The following NRIP1 variants were observed in gnomAD, a reference collection of about 807,000 sequenced individuals.
NRIP1 encodes nuclear receptor-interacting protein 1.
Under a neutral mutation model 75.0 loss-of-function variants are expected in NRIP1, and 28 were observed. The ratio of observed to expected loss-of-function variants is 0.37; its 90% CI spans 0.28 to 0.51. The LOEUF (loss-of-function observed/expected upper bound fraction) is 0.51, where lower values mean the gene tolerates loss of function less well. NRIP1 is among the 20% of genes least tolerant of loss of function. The probability of loss-of-function intolerance (pLI) is 0.92; values close to 1 mark genes in which losing one functional copy is unlikely to be tolerated. For synonymous variants in NRIP1, 526 were observed against 487.6 expected (o/e 1.08, Z -1.04); for missense variants, 1,435 against 1,343.7 (o/e 1.07, Z -1.06).
At chr21:15,027,711 A>T (rs1388030376) in intron 2 of NRIP1, among the ~76,000 whole-genome samples, 1 of 152,200 alleles carries the variant, frequency 6.6e-6, no homozygotes, top group African/African-American at 2.4e-5. Context: ...ATTACTTAAC[A>T]TGAGAAATAG....
chr21:15,022,685 A>G (rs2088407701), intron 2 of NRIP1, among the ~76,000 whole-genome samples: 1 of 152,234 alleles, frequency 6.6e-6, no homozygotes, highest in Admixed American at 6.5e-5. Flanking sequence ...TAAGATGACT[A>G]TCCACCTTCT....
intron 3 of NRIP1, 87 bp downstream of exon 3, chr21:15,014,257 C>T (rs1413915423): frequency 7.7e-6 from 3 of 390,970 alleles, no homozygotes; most frequent in East Asian, 3.6e-5. Context: ...GAATTATAAG[C>T]TAATTTATAA....
intron 2 of NRIP1, among the ~76,000 whole-genome samples, chr21:15,019,741 A>G (rs976871135): frequency 3.3e-5 from 5 of 151,728 alleles, no homozygotes; most frequent in Non-Finnish European, 7.4e-5. Context: ...ACCCACCTAG[A>G]CCTTCCAAAG....
rs2146919424 is a variant in NRIP1 at position 14,965,342 on chromosome 21, G to C, written c.2851C>G (p.Pro951Ala). The stretch of plus-strand genomic sequence containing the variant: ...TCAGCCACAGAGTTACTTCTGTGCG[G>C]GGACAAATCTCGCACACAGTTTTCT... ...LSENCVRDLS[P>A]HRSNSVADSK... The change falls in exon 4 of 4, where the codon CCG becomes GCG. Residue 951 changes from proline (P) to alanine (A), a missense_variant. Coordinates refer to ENST00000318948, the MANE Select transcript of NRIP1 (RefSeq NM_003489.4). The C allele has an allele frequency of 6.2e-7, 1 of 1,613,980 alleles. No individual in the cohort carries two copies. The highest frequency in any genetic ancestry group is 2.2e-5 in the East Asian group (1 of 44,878).
chr21:15,059,085 G>A (rs2142217), intron 1 of NRIP1, among the ~76,000 whole-genome samples: 3,150 of 152,216 alleles, frequency 0.021, 129 homozygotes, highest in African/African-American at 0.073. Context: ...GAAGTCCAAG[G>A]GTGAGAGGCT....
intron 3 of NRIP1, among the ~76,000 whole-genome samples, chr21:14,993,697 A>G (rs2087635402): frequency 6.6e-6 from 1 of 152,026 alleles, no homozygotes; most frequent in Non-Finnish European, 1.5e-5. Context: ...ACACGGAAGG[A>G]TCGCTTGATC....
At chr21:15,045,515 G>C (rs1001183219) in intron 1 of NRIP1, among the ~76,000 whole-genome samples, 6 of 152,236 alleles carry the variant, frequency 3.9e-5, no homozygotes, top group African/African-American at 1.2e-4. Flanking sequence ...AATCTTTAGA[G>C]AGTTTTACTC....
At position 14,964,045 on chromosome 21, in the gene NRIP1, C is replaced by T. The variant is rs2086657141; in HGVS notation, c.*671G>A. ...CCTTTTTTTTAAAGGATCTATCAAA[C>T]TTCCCTCAATTGTAATCAATTTTTA... On this transcript the variant is annotated 3_prime_UTR_variant, in exon 4 of 4. Transcript: ENST00000318948. 6.6e-6 allele frequency: 1 copy of T among 152,374 alleles called. No homozygotes were observed. The highest frequency in any genetic ancestry group is 1.5e-5 in the Non-Finnish European group (1 of 67,968). 9.4% of individuals were successfully genotyped at this position (152,374 alleles called of 1,614,324 possible).
intron 3 of NRIP1, among the ~76,000 whole-genome samples, chr21:14,980,202 T>C (rs2087192984): frequency 6.6e-6 from 1 of 152,174 alleles, no homozygotes; most frequent in African/African-American, 2.4e-5. Flanking sequence ...TTAAATATAT[T>C]AGTGCAGGCT....
intron 3 of NRIP1, among the ~76,000 whole-genome samples, chr21:14,996,891 A>G (rs1031753194): frequency 6.6e-6 from 1 of 151,850 alleles, no homozygotes; most frequent in East Asian, 1.9e-4. Context: ...CTTACATGAT[A>G]TAATTTTTGA....
chr21:14,976,375 A>C (rs978743437), intron 3 of NRIP1, among the ~76,000 whole-genome samples: 3 of 152,206 alleles, frequency 2.0e-5, no homozygotes, highest in Non-Finnish European at 4.4e-5. Flanking sequence ...TTTCAACACA[A>C]ACTAGTTTAA....
chr21:14,978,320 A>G (rs1345007809), intron 3 of NRIP1, among the ~76,000 whole-genome samples: 2 of 152,326 alleles, frequency 1.3e-5, no homozygotes, highest in Non-Finnish European at 2.9e-5. Context: ...ATGCTGTCAT[A>G]AAGTTGTGGA....
intron 3 of NRIP1, among the ~76,000 whole-genome samples, chr21:14,970,149 T>C (rs928765675): frequency 6.6e-6 from 1 of 152,192 alleles, no homozygotes; most frequent in Non-Finnish European, 1.5e-5. Flanking sequence ...TGTTGCTTAA[T>C]TGGAGGCTTA....
chr21:15,007,574 G>C (rs981940513), intron 3 of NRIP1, among the ~76,000 whole-genome samples: 2 of 152,170 alleles, frequency 1.3e-5, no homozygotes, highest in African/African-American at 4.8e-5. Context: ...CCTGTTTGAA[G>C]TCTGAATTTT....
chr21:15,041,579 A>G (rs2088956046), intron 2 of NRIP1, among the ~76,000 whole-genome samples: 1 of 152,120 alleles, frequency 6.6e-6, no homozygotes, highest in Admixed American at 6.5e-5. Context: ...TATACATGGG[A>G]ATTTGTCGAT....
At chr21:15,004,788 T>G (rs1405067017) in intron 3 of NRIP1, among the ~76,000 whole-genome samples, 2 of 152,238 alleles carry the variant, frequency 1.3e-5, no homozygotes, top group African/African-American at 4.8e-5. Context: ...GTGCTGTTAT[T>G]TCTAAAGAGG....
chr21:15,053,871 C>T (rs1444199847), intron 1 of NRIP1, among the ~76,000 whole-genome samples: 3 of 152,088 alleles, frequency 2.0e-5, no homozygotes, highest in Admixed American at 2.0e-4. Flanking sequence ...CTTCACAAAG[C>T]AAGAAACTAG....
rs1268133506 is a variant in NRIP1, at chr21:14,963,498, A to G, written c.*1218T>C. Reference sequence around the variant, plus strand: ...ATTTCCAAAGACATAACGGTAATATATGAACTACAATATTGCAAATTTTGA... The same window carrying G: ...ATTTCCAAAGACATAACGGTAATATGTGAACTACAATATTGCAAATTTTGA... On this transcript the variant is annotated 3_prime_UTR_variant, in exon 4 of 4. Transcript: ENST00000318948. The G allele has an allele frequency of 1.3e-5, 2 of 152,558 alleles. No individual in the cohort carries two copies. The highest frequency in any genetic ancestry group is 4.8e-5 in the African/African-American group (2 of 41,436). The allele number at this position is 152,558 out of a possible 1,614,324, so 9.5% of individuals were successfully genotyped here.
At chr21:15,012,718 T>G (rs954356991) in intron 3 of NRIP1, among the ~76,000 whole-genome samples, 3 of 152,172 alleles carry the variant, frequency 2.0e-5, no homozygotes, top group African/African-American at 7.2e-5. Flanking sequence ...CCCAAAGTGC[T>G]GGGATTACAG....
Sources: allele counts gnomAD v4.1 joint callset (sites outside exome capture counted in the v4.1 genomes callset), GRCh38; gene constraint gnomAD v4.1.1; transcripts MANE v1.5; gene names NCBI Gene and HGNC (gene_info 2026-07-23, HGNC 2026-07-21).